The following JAKMIP2 variants were observed in gnomAD, a reference collection of about 807,000 sequenced individuals.
JAKMIP2 encodes the protein janus kinase and microtubule interacting protein 2.
In JAKMIP2, 25 loss-of-function variants were observed where a neutral mutation model predicts 115.0. The ratio of observed to expected loss-of-function variants is 0.22; its 90% CI spans 0.16 to 0.30. JAKMIP2 has a LOEUF of 0.30. JAKMIP2 is among the 10% of genes least tolerant of loss of function. JAKMIP2 has a pLI of 1.00. For synonymous variants in JAKMIP2, 334 were observed against 343.6 expected, an observed-to-expected ratio of 0.97 and a Z score of 0.31; for missense variants, 642 against 957.6, an observed-to-expected ratio of 0.67 and a Z score of 4.35.
chr5:147,673,822 T>C (rs200621114), intron 1 of JAKMIP2, among the ~76,000 whole-genome samples: 4 of 70,924 alleles, frequency 5.6e-5, no homozygotes, highest in East Asian at 1.0e-3. Flanking sequence ...TAAATTCACA[T>C]ATATATATAT....
intron 1 of JAKMIP2, among the ~76,000 whole-genome samples, chr5:147,714,576 A>C (rs1223561719): frequency 6.6e-6 from 1 of 152,228 alleles, no homozygotes; most frequent in Non-Finnish European, 1.5e-5. Flanking sequence ...CTAAAGGCTA[A>C]ATTTTTTTTA....
At chr5:147,594,341 T>TTTTTTTTTTTTTTTACATGG in intron 21 of JAKMIP2, 1 of 378,514 alleles carries the variant, frequency 2.6e-6, no homozygotes. Flanking sequence ...CAAATTCTTT[T>TTTTTTTTTTTTTTTACATGG]TTTTTCTTTT....
chr5:147,747,257 T>C (rs1754380784), intron 1 of JAKMIP2, among the ~76,000 whole-genome samples: 1 of 152,104 alleles, frequency 6.6e-6, no homozygotes, highest in Non-Finnish European at 1.5e-5. Context: ...AATGATCTGC[T>C]CTTCATTTCT....
intron 3 of JAKMIP2, among the ~76,000 whole-genome samples, chr5:147,651,120 T>C (rs1561514941): frequency 6.6e-6 from 1 of 152,142 alleles, no homozygotes; most frequent in Non-Finnish European, 1.5e-5. Context: ...TATATCTCTT[T>C]CTGTTCTCAC....
Position 147,702,650 on chromosome 5 carries a change from A to AAGAAAGAGAG in JAKMIP2, c.-148-30697_-148-30696insCTCTCTTTCT, listed in dbSNP as rs1437859173. Among the ~76,000 whole-genome samples, 3 of 112,034 alleles carry AAGAAAGAGAG rather than the reference A, an allele frequency of 2.7e-5. No individual in the cohort carries two copies. The East Asian group carries it at 8.4e-4, about 31-fold the overall frequency. The allele number at this position is 112,034 out of a possible 152,430, so 73.5% of individuals were successfully genotyped here. ...AAAGAAAGAAAGAAAGAAAGAAAGAAAGAAAGAAAGAAAGAGAGAGAAAGA... is the reference window on the plus strand; with the variant it reads ...AAAGAAAGAAAGAAAGAAAGAAAGAAAGAAAGAGAGAGAAAGAAAGAAAGAGAGAGAAAGA... On this transcript the variant is annotated intron_variant, in intron 1 of 21. Transcript: ENST00000616793.
rs71001444 is a variant in JAKMIP2 at position 147,598,425 on chromosome 5, CATCTATCT to C, written c.*20+3308_*20+3315del. On this transcript the variant is annotated intron_variant, in intron 21 of 21. Coordinates refer to ENST00000616793, the MANE Select transcript of JAKMIP2 (RefSeq NM_001270941.2). ...CTCTTAATAAAGCCGCTCTCATTTT[CATCTATCT>C]ATCTATCTATCTATCTATCTATCTA... Among the ~76,000 whole-genome samples, 335 of 148,454 alleles carry C rather than the reference CATCTATCT, an allele frequency of 2.3e-3. 3 individuals are homozygous for C. The highest frequency in any genetic ancestry group is 7.8e-3 in the African/African-American group (314 of 40,206).
chr5:147,698,128 G>C (rs1752179069), intron 1 of JAKMIP2, among the ~76,000 whole-genome samples: 1 of 152,192 alleles, frequency 6.6e-6, no homozygotes, highest in African/African-American at 2.4e-5. Flanking sequence ...CTGAATGTGA[G>C]ATATGGAGTC....
chr5:147,695,798 A>G (rs1752083181), intron 1 of JAKMIP2, among the ~76,000 whole-genome samples: 1 of 151,582 alleles, frequency 6.6e-6, no homozygotes, highest in South Asian at 2.1e-4. Context: ...TTGAGATTTA[A>G]CTCTTGATGT....
intron 20 of JAKMIP2, among the ~76,000 whole-genome samples, chr5:147,604,620 A>G (rs1755896967): frequency 6.6e-6 from 1 of 152,128 alleles, no homozygotes; most frequent in South Asian, 2.1e-4. Flanking sequence ...AAGGGCAGAT[A>G]GTTTGCTACT....
intron 1 of JAKMIP2, among the ~76,000 whole-genome samples, chr5:147,709,429 T>C (rs747933187): frequency 1.2e-4 from 19 of 152,164 alleles, no homozygotes; most frequent in Non-Finnish European, 2.2e-4. Flanking sequence ...AAAACACCTA[T>C]ATAAATATGC....
At chr5:147,728,284 G>T (rs552734610) in intron 1 of JAKMIP2, among the ~76,000 whole-genome samples, 1 of 152,208 alleles carries the variant, frequency 6.6e-6, no homozygotes, top group South Asian at 2.1e-4. Flanking sequence ...GAGAGATAAG[G>T]CTCCCATCAG....
chr5:147,631,664 G>A (rs1024416924), intron 13 of JAKMIP2, among the ~76,000 whole-genome samples, 153 bp from the exon 14 acceptor site: 4 of 152,194 alleles, frequency 2.6e-5, no homozygotes, highest in African/African-American at 9.7e-5. Flanking sequence ...GATTAAATGT[G>A]ACGGAAAAAG....
At chr5:147,726,366 C>T (rs940851669) in intron 1 of JAKMIP2, among the ~76,000 whole-genome samples, 2 of 152,084 alleles carry the variant, frequency 1.3e-5, no homozygotes, top group South Asian at 2.1e-4. Context: ...TGTGGTGTGG[C>T]GAGCCAAGTC....
chr5:147,768,098 C>G (rs1755217376), intron 1 of JAKMIP2, among the ~76,000 whole-genome samples: 1 of 152,106 alleles, frequency 6.6e-6, no homozygotes, highest in Non-Finnish European at 1.5e-5. Context: ...TTTGTAAACT[C>G]AATTTTCATG....
intron 17 of JAKMIP2, among the ~76,000 whole-genome samples, chr5:147,621,828 T>C (rs1326261364): frequency 6.6e-6 from 1 of 152,210 alleles, no homozygotes; most frequent in Non-Finnish European, 1.5e-5. Flanking sequence ...CACGACGTTT[T>C]CTAGTTATAA....
At chr5:147,714,644 A>C (rs1258536842) in intron 1 of JAKMIP2, among the ~76,000 whole-genome samples, 2 of 152,226 alleles carry the variant, frequency 1.3e-5, no homozygotes, top group African/African-American at 2.4e-5. Flanking sequence ...ACCAGCAAGA[A>C]TCACAGACAA....
intron 1 of JAKMIP2, among the ~76,000 whole-genome samples, chr5:147,720,431 T>C (rs1436009917): frequency 3.4e-5 from 5 of 148,730 alleles, no homozygotes; most frequent in Admixed American, 1.3e-4. Flanking sequence ...CTGGATAATA[T>C]CCTGCAGAGT....
intron 1 of JAKMIP2, among the ~76,000 whole-genome samples, chr5:147,685,028 T>C (rs1760502224): frequency 6.6e-6 from 1 of 152,228 alleles, no homozygotes; most frequent in Admixed American, 6.5e-5. Context: ...TTGTGCATCC[T>C]TCCATTTCAT....
intron 2 of JAKMIP2, among the ~76,000 whole-genome samples, chr5:147,667,658 A>G (rs1315320581): frequency 6.6e-6 from 1 of 152,208 alleles, no homozygotes; most frequent in Admixed American, 6.5e-5. Context: ...GAGTCGCTCT[A>G]GGAAGATTGC....
Sources: gnomAD v4.1 joint callset for allele counts (sites outside exome capture counted in the v4.1 genomes callset) on GRCh38, gnomAD v4.1.1 for gene constraint, MANE v1.5 for transcripts, NCBI Gene and HGNC (gene_info 2026-07-23, HGNC 2026-07-21) for gene names.